Variants in RFT1 observed in about 807,000 individuals in gnomAD.
The protein encoded by RFT1 is RFT1 glycolipid translocator homolog, also known as man(5)GlcNAc(2)-PP-dolichol translocation protein RFT1.
RFT1 carries 43 observed loss-of-function variants against 62.2 expected under a neutral mutation model. The ratio of observed to expected loss-of-function variants is 0.69; its 90% CI spans 0.54 to 0.89. The LOEUF (loss-of-function observed/expected upper bound fraction) is 0.89. RFT1 is among the 40% of genes least tolerant of loss of function. The pLI, the probability that RFT1 is intolerant of heterozygous loss-of-function variation, is 0.00. For missense variants in RFT1, 605 were observed against 649.9 expected (o/e 0.93, Z 0.75); for synonymous variants, 262 against 264.6 (o/e 0.99, Z 0.10).
At chr3:53,124,643 C>T (rs1702059944) in intron 2 of RFT1, among the ~76,000 whole-genome samples, 1 of 152,166 alleles carries the variant, frequency 6.6e-6, no homozygotes, top group Admixed American at 6.5e-5. Flanking sequence ...GGAGGATTTG[C>T]CCCTCTTCCT....
chr3:53,127,233 A>G (rs769844487), intron 1 of RFT1, among the ~76,000 whole-genome samples: 21 of 152,080 alleles, frequency 1.4e-4, no homozygotes, highest in South Asian at 1.0e-3. Context: ...CCTGACTAAC[A>G]TGGTGAAATG....
chr3:53,070,358 C>G, the RFT1 span, among the ~76,000 whole-genome samples: 1 of 132,636 alleles, frequency 7.5e-6, no homozygotes, highest in Non-Finnish European at 1.6e-5. Context: ...GCTGGGATTA[C>G]AAGTGTGAGC....
intron 6 of RFT1, among the ~76,000 whole-genome samples, chr3:53,114,463 T>A (rs1701738318): frequency 6.6e-6 from 1 of 152,170 alleles, no homozygotes; most frequent in South Asian, 2.1e-4. Flanking sequence ...GAAGGAATGG[T>A]GACACCACTT....
the RFT1 span, among the ~76,000 whole-genome samples, chr3:53,079,174 G>A: frequency 2.6e-5 from 4 of 152,202 alleles, no homozygotes; most frequent in African/African-American, 9.7e-5. Flanking sequence ...TGATAGAAAT[G>A]AGGGAGGCCT....
intron 11 of RFT1, among the ~76,000 whole-genome samples, chr3:53,096,620 CTGCAGT>C (rs770822200): frequency 8.6e-5 from 13 of 151,636 alleles, no homozygotes; most frequent in Admixed American, 5.2e-4. Context: ...GAGGCGGAGG[CTGCAGT>C]GAGCCAAGAT....
rs778616351 is a variant in RFT1 at position 53,092,513 on chromosome 3, G to A, written c.1314C>T (p.Asn438=). 1.9e-6 allele frequency: 3 copies of A among 1,612,426 alleles called. No homozygotes were observed. The highest frequency in any genetic ancestry group is 1.7e-5 in the Admixed American group (1 of 59,826). ...SVGFILANCF[N]MGIRITQSLC... Reference sequence around the variant, plus strand: ...GGCTCTGCGTGATCCGAATGCCCATGTTAAAGCAGTTGGCCAAGATGAAGC... The same window carrying A: ...GGCTCTGCGTGATCCGAATGCCCATATTAAAGCAGTTGGCCAAGATGAAGC... Residue 438 remains asparagine, a synonymous_variant, in exon 12 of 13, where the codon AAC becomes AAT. Transcript: ENST00000296292.
At chr3:53,067,560 G>T in the RFT1 span, among the ~76,000 whole-genome samples, 1 of 152,146 alleles carries the variant, frequency 6.6e-6, no homozygotes, top group African/African-American at 2.4e-5. Context: ...TTTGCTCGGG[G>T]TCACGGTTAC....
Position 53,112,832 on chromosome 3 carries a change from C to T in RFT1, c.697-924G>A, listed in dbSNP as rs897104777. On this transcript the variant is annotated intron_variant, in intron 6 of 12. Coordinates refer to ENST00000296292, the MANE Select transcript of RFT1 (RefSeq NM_052859.4). ...ACACTTAGGTAGGGTAGAGGTCAAC[C>T]TATTAAGAGACAGGTGGCCTCAAAG... Among the ~76,000 whole-genome samples the T allele has an allele frequency of 2.6e-5, 4 of 152,204 alleles. No homozygotes were observed. The East Asian group carries it at 7.7e-4, about 29-fold the overall frequency.
At position 53,091,435 on chromosome 3, in the gene RFT1, T is replaced by C; in HGVS notation, c.*468A>G. 5.7e-6 allele frequency: 1 copy of C among 174,416 alleles called. No individual in the cohort carries two copies. The highest frequency in any genetic ancestry group is 1.3e-5 in the Non-Finnish European group (1 of 79,738). 10.8% of individuals were successfully genotyped at this position (174,416 alleles called of 1,614,324 possible). On this transcript the variant is annotated 3_prime_UTR_variant, in exon 13 of 13. Coordinates refer to ENST00000296292, the MANE Select transcript of RFT1 (RefSeq NM_052859.4). ...GCCACAACTTCAGGGCCACACTCTGTTTCCATGTGGTGCATGAGAGAGAGA... is the reference window on the plus strand; with the variant it reads ...GCCACAACTTCAGGGCCACACTCTGCTTCCATGTGGTGCATGAGAGAGAGA...
At chr3:53,067,886 G>A in the RFT1 span, among the ~76,000 whole-genome samples, 3 of 152,326 alleles carry the variant, frequency 2.0e-5, no homozygotes, top group East Asian at 5.8e-4. Flanking sequence ...TTTACAGCAG[G>A]GCGATTTTGG....
intron 5 of RFT1, among the ~76,000 whole-genome samples, chr3:53,120,890 CA>C (rs1238007442): frequency 6.6e-6 from 1 of 152,190 alleles, no homozygotes; most frequent in Admixed American, 6.5e-5. Context: ...GCCCATCATC[CA>C]CCAGCCTTCT....
At chr3:53,078,537 G>T in the RFT1 span, among the ~76,000 whole-genome samples, 1 of 152,116 alleles carries the variant, frequency 6.6e-6, no homozygotes, top group Non-Finnish European at 1.5e-5. Flanking sequence ...TCAAGAGTGT[G>T]AGACTAGCCT....
At chr3:53,103,848 AC>A in intron 10 of RFT1, 104 bp downstream of exon 10, 1 of 1,417,334 alleles carries the variant, frequency 7.1e-7, no homozygotes, top group East Asian at 2.3e-5. Flanking sequence ...AGTTTTCCCT[AC>A]ACTGACACAG....
rs776217466 is a variant in RFT1 at position 53,091,990 on chromosome 3, G to A, written c.1539C>T (p.Leu513=). ...TGGTCTCTGTGAGGAATGCTGTCCC[G>A]AGAGTTGCTCCCAGACAGAAGGCCC... ...AVGAFCLGAT[L]GTAFLTETKL... The change falls in exon 13 of 13, where the codon CTC becomes CTT. Residue 513 remains leucine, a synonymous_variant. Coordinates refer to ENST00000296292, the MANE Select transcript of RFT1 (RefSeq NM_052859.4). 25 of 1,614,142 alleles carry A rather than the reference G, an allele frequency of 1.5e-5. No individual in the cohort carries two copies. The South Asian group carries it at 2.0e-4, about 13-fold the overall frequency.
intron 6 of RFT1, among the ~76,000 whole-genome samples, chr3:53,112,548 C>G (rs1035891379): frequency 3.3e-5 from 5 of 152,286 alleles, no homozygotes; most frequent in African/African-American, 1.2e-4. Context: ...TTGAGACCAG[C>G]TTGGCCAACA....
At chr3:53,071,753 A>T in the RFT1 span, among the ~76,000 whole-genome samples, 2 of 152,124 alleles carry the variant, frequency 1.3e-5, no homozygotes, top group African/African-American at 4.8e-5. Context: ...TTCCCCAGGG[A>T]TATGACACTT....
chr3:53,094,824 G>A (rs1225466329), intron 11 of RFT1, among the ~76,000 whole-genome samples: 1 of 151,870 alleles, frequency 6.6e-6, no homozygotes, highest in Non-Finnish European at 1.5e-5. Flanking sequence ...CTTTGATATG[G>A]CCATCTGAGA....
intron 11 of RFT1, among the ~76,000 whole-genome samples, chr3:53,096,058 T>C (rs1242978942): frequency 6.6e-6 from 1 of 152,200 alleles, no homozygotes; most frequent in Non-Finnish European, 1.5e-5. Flanking sequence ...CGCTGTGCCA[T>C]AGGGGCCTGC....
At chr3:53,072,864 T>C in the RFT1 span, among the ~76,000 whole-genome samples, 108,615 of 152,146 alleles carry the variant, frequency 0.71, 39,114 homozygotes, top group East Asian at 0.85. Context: ...GGCGGCCAGG[T>C]CTCTCCTCAC....
Sources: gnomAD v4.1 joint callset for allele counts (sites outside exome capture counted in the v4.1 genomes callset) on GRCh38, gnomAD v4.1.1 for gene constraint, MANE v1.5 for transcripts, NCBI Gene and HGNC (gene_info 2026-07-23, HGNC 2026-07-21) for gene names.